The following TNFSF4 variants were observed in gnomAD, a reference collection of about 807,000 sequenced individuals.
TNFSF4 encodes the protein tumor necrosis factor ligand superfamily member 4.
A neutral mutation model predicts 7.3 loss-of-function variants in TNFSF4; 4 were observed. The ratio of observed to expected loss-of-function variants is 0.55; its 90% CI spans 0.27 to 1.25. TNFSF4 has a LOEUF of 1.25. Among genes scored for constraint, TNFSF4 ranks in the 50% most tolerant of loss-of-function variants. The pLI is 0.12. For synonymous variants in TNFSF4, 76 were observed against 83.7 expected (o/e 0.91, Z 0.50); for missense variants, 181 against 208.8 (o/e 0.87, Z 0.82).
At chr1:173,371,893 C>T in the TNFSF4 span, among the ~76,000 whole-genome samples, 1 of 152,180 alleles carries the variant, frequency 6.6e-6, no homozygotes, top group Non-Finnish European at 1.5e-5. Flanking sequence ...CTTACATGGA[C>T]GGTCTTGCCT....
At chr1:173,419,273 C>T in the TNFSF4 span, among the ~76,000 whole-genome samples, 3,020 of 150,142 alleles carry the variant, frequency 0.02, 121 homozygotes, top group African/African-American at 0.07. Context: ...ACCTGGGAGG[C>T]GGAGCTTGCA....
chr1:173,311,928 A>G, the TNFSF4 span, among the ~76,000 whole-genome samples: 2 of 152,158 alleles, frequency 1.3e-5, no homozygotes, highest in African/African-American at 4.8e-5. Flanking sequence ...TTTAGAAATT[A>G]TAATAGGCAT....
chr1:173,291,190 G>A, the TNFSF4 span, among the ~76,000 whole-genome samples: 4 of 152,228 alleles, frequency 2.6e-5, no homozygotes, highest in Non-Finnish European at 4.4e-5. Context: ...AGCACCTTAC[G>A]TGGTAAAAGC....
chr1:173,263,969 G>A, the TNFSF4 span, among the ~76,000 whole-genome samples: 1 of 152,070 alleles, frequency 6.6e-6, no homozygotes, highest in East Asian at 1.9e-4. Context: ...AAGACATTGG[G>A]GCCTATTTGA....
the TNFSF4 span, among the ~76,000 whole-genome samples, chr1:173,251,434 A>G: frequency 2.6e-5 from 4 of 152,144 alleles, no homozygotes; most frequent in African/African-American, 9.7e-5. Context: ...TTGAACCCCC[A>G]TTTTCTATGA....
upstream of TNFSF4, among the ~76,000 whole-genome samples, chr1:173,210,631 G>GTGATA (rs1036955465): frequency 3.3e-5 from 5 of 152,136 alleles, no homozygotes; most frequent in South Asian, 2.1e-4. Context: ...GAAGCAGAAT[G>GTGATA]TGATATGATA....
the TNFSF4 span, chr1:173,175,505 C>G: frequency 5.3e-5 from 8 of 152,014 alleles, no homozygotes; most frequent in African/African-American, 1.9e-4. Flanking sequence ...ATTTTTTTCT[C>G]TATGCCTACT....
At chr1:173,293,124 A>G in the TNFSF4 span, among the ~76,000 whole-genome samples, 1 of 151,658 alleles carries the variant, frequency 6.6e-6, no homozygotes, top group East Asian at 1.9e-4. Context: ...CATTTTTCAC[A>G]GAATATGGAG....
intron 1 of TNFSF4, chr1:173,205,575 A>G: frequency 8.0e-7 from 1 of 1,244,238 alleles, no homozygotes; most frequent in Non-Finnish European, 1.0e-6. Context: ...CCATGGTGTA[A>G]GGAAATATGT....
chr1:173,356,108 T>C, the TNFSF4 span, among the ~76,000 whole-genome samples: 1 of 152,206 alleles, frequency 6.6e-6, no homozygotes, highest in African/African-American at 2.4e-5. Flanking sequence ...TGACACATTT[T>C]GTGAGAAAAA....
chr1:173,395,075 A>ATAGATAGATAGC, the TNFSF4 span, among the ~76,000 whole-genome samples: 10 of 150,334 alleles, frequency 6.7e-5, no homozygotes, highest in Non-Finnish European at 1.2e-4. Flanking sequence ...AGATAGATAG[A>ATAGATAGATAGC]TAGCTATAAA....
At chr1:173,231,242 C>G in the TNFSF4 span, among the ~76,000 whole-genome samples, 2 of 152,208 alleles carry the variant, frequency 1.3e-5, no homozygotes, top group Non-Finnish European at 2.9e-5. Context: ...AAGAGCTTAT[C>G]CACCATGATC....
chr1:173,192,172 C>T (rs193298888), intron 1 of TNFSF4, among the ~76,000 whole-genome samples: 1 of 152,292 alleles, frequency 6.6e-6, no homozygotes, highest in East Asian at 1.9e-4. Context: ...TGTCTCTGCC[C>T]ATTAAAATCT....
the TNFSF4 span, among the ~76,000 whole-genome samples, chr1:173,177,075 A>G: frequency 6.6e-6 from 1 of 152,208 alleles, no homozygotes; most frequent in Admixed American, 6.5e-5. Flanking sequence ...CCCATGACAC[A>G]CAGATTACCT....
At chr1:173,209,864 C>T (rs1650315909), upstream of TNFSF4, among the ~76,000 whole-genome samples, 1 of 151,944 alleles carries the variant, frequency 6.6e-6, no homozygotes, top group African/African-American at 2.4e-5. Context: ...GCAAATCAGC[C>T]TTAAAATAAA....
the TNFSF4 span, among the ~76,000 whole-genome samples, chr1:173,409,026 T>A: frequency 6.6e-6 from 1 of 152,186 alleles, no homozygotes; most frequent in Non-Finnish European, 1.5e-5. Context: ...TCACCATTAA[T>A]AAGACAAACT....
chr1:173,212,421 T>C, the TNFSF4 span, among the ~76,000 whole-genome samples: 1 of 152,128 alleles, frequency 6.6e-6, no homozygotes, highest in Non-Finnish European at 1.5e-5. Context: ...TCTTTCACCA[T>C]TACTTTCTAT....
the TNFSF4 span, among the ~76,000 whole-genome samples, chr1:173,416,150 T>C: frequency 6.6e-6 from 1 of 152,136 alleles, no homozygotes; most frequent in Non-Finnish European, 1.5e-5. Context: ...GCAGGGTCTG[T>C]CGGTGAGATG....
the TNFSF4 span, among the ~76,000 whole-genome samples, chr1:173,357,684 A>G: frequency 6.6e-6 from 1 of 152,118 alleles, no homozygotes; most frequent in Non-Finnish European, 1.5e-5. Flanking sequence ...GGCATGCACC[A>G]CCACACCTAG....
Sources: allele counts gnomAD v4.1 joint callset (sites outside exome capture counted in the v4.1 genomes callset), GRCh38; gene constraint gnomAD v4.1.1; transcripts MANE v1.5; gene names NCBI Gene and HGNC (gene_info 2026-07-23, HGNC 2026-07-21).